Variants in NCKAP5 observed in about 807,000 individuals in gnomAD.
NCKAP5 encodes the protein NCK associated protein 5, also known as nck-associated protein 5.
Under a neutral mutation model 167.0 loss-of-function variants are expected in NCKAP5, and 92 were observed. The observed-to-expected ratio is 0.55, with a 90% confidence interval of 0.47 to 0.66. NCKAP5 has a LOEUF of 0.66. NCKAP5 is among the 30% of genes least tolerant of loss of function. The pLI is 0.00. For missense variants in NCKAP5, 2,378 were observed against 2,315.0 expected (o/e 1.03, Z -0.56); for synonymous variants, 891 against 877.4 (o/e 1.02, Z -0.27).
rs567793495 is a variant in NCKAP5, at chr2:133,001,400, C to T, written c.342-7161G>A. ...ATGCCTGGCTAAATTTTGTATTTTT[C>T]GGAGAGACAGGGTTTTGCCATGTTT... On this transcript the variant is annotated intron_variant, in intron 6 of 19. Transcript: ENST00000409261. 5.3e-5 allele frequency among the ~76,000 whole-genome samples: 8 copies of T among 151,876 alleles called. No homozygotes were observed. The East Asian group carries it at 1.2e-3, about 22-fold the overall frequency.
intron 19 of NCKAP5, among the ~76,000 whole-genome samples, chr2:132,709,822 A>G (rs1310589115): frequency 6.6e-6 from 1 of 152,154 alleles, no homozygotes; most frequent in South Asian, 2.1e-4. Flanking sequence ...AATAGGGAAT[A>G]TTTCCCATTC....
At chr2:132,760,557 C>G (rs965989394) in intron 16 of NCKAP5, among the ~76,000 whole-genome samples, 2 of 152,054 alleles carry the variant, frequency 1.3e-5, no homozygotes, top group African/African-American at 2.4e-5. Context: ...CTTTGGAGGA[C>G]TCATTCTGTG....
intron 8 of NCKAP5, among the ~76,000 whole-genome samples, chr2:132,883,024 T>C (rs188315736): frequency 1.3e-5 from 2 of 151,962 alleles, no homozygotes; most frequent in South Asian, 4.2e-4. Flanking sequence ...GAGATCTCCA[T>C]CTCTACTAAA....
intron 10 of NCKAP5, among the ~76,000 whole-genome samples, chr2:132,866,227 C>T (rs1054801225): frequency 2.6e-5 from 4 of 152,092 alleles, no homozygotes; most frequent in Non-Finnish European, 5.9e-5. Context: ...TGTTTAGTGG[C>T]AAACAAGCAA....
the NCKAP5 span, among the ~76,000 whole-genome samples, chr2:133,620,225 G>GT: frequency 5.0e-4 from 76 of 151,736 alleles, no homozygotes; most frequent in African/African-American, 1.7e-3. Context: ...GAATAGAATA[G>GT]TATCTCATGT....
chr2:133,518,328 T>A, intron 2 of NCKAP5, among the ~76,000 whole-genome samples: 1 of 142,668 alleles, frequency 7.0e-6, no homozygotes, highest in South Asian at 2.3e-4. Context: ...ATAAAAGAAA[T>A]GGGTTACAGT....
intron 5 of NCKAP5, among the ~76,000 whole-genome samples, chr2:133,175,308 G>T (rs2084412443): frequency 6.6e-6 from 1 of 151,890 alleles, no homozygotes; most frequent in South Asian, 2.1e-4. Flanking sequence ...GCCCTAGTTT[G>T]TCTGTTGTCT....
At chr2:133,537,196 C>G (rs1685830268) in intron 2 of NCKAP5, among the ~76,000 whole-genome samples, 1 of 152,058 alleles carries the variant, frequency 6.6e-6, no homozygotes, top group Admixed American at 6.6e-5. Context: ...ATCTTGATTA[C>G]TATAGATTTA....
At chr2:132,992,288 G>A (rs754913499) in intron 7 of NCKAP5, among the ~76,000 whole-genome samples, 7 of 152,144 alleles carry the variant, frequency 4.6e-5, no homozygotes, top group Admixed American at 2.6e-4. Flanking sequence ...TTTAAAACAC[G>A]TTTCTTAAAG....
intron 19 of NCKAP5, among the ~76,000 whole-genome samples, chr2:132,685,018 T>C (rs1408903348): frequency 6.6e-6 from 1 of 152,200 alleles, no homozygotes; most frequent in Non-Finnish European, 1.5e-5. Context: ...AAAAATGTAA[T>C]GTTTGAACTT....
At chr2:132,863,763 A>G (rs1448944386) in intron 10 of NCKAP5, among the ~76,000 whole-genome samples, 1 of 152,202 alleles carries the variant, frequency 6.6e-6, no homozygotes, top group African/African-American at 2.4e-5. Context: ...GTTGTTTTTA[A>G]TATTCTTATT....
intron 3 of NCKAP5, among the ~76,000 whole-genome samples, chr2:133,486,789 T>C (rs1680946577): frequency 6.6e-6 from 1 of 152,198 alleles, no homozygotes; most frequent in Non-Finnish European, 1.5e-5. Context: ...TTTGTTTTTG[T>C]TCTCATAAAA....
intron 16 of NCKAP5, among the ~76,000 whole-genome samples, chr2:132,735,601 A>G (rs1351282877): frequency 1.3e-5 from 2 of 152,196 alleles, no homozygotes; most frequent in African/African-American, 2.4e-5. Context: ...ACAATGGCCT[A>G]ATACACCTCT....
the NCKAP5 span, among the ~76,000 whole-genome samples, chr2:133,601,041 G>A: frequency 4.1e-4 from 63 of 152,288 alleles, no homozygotes; most frequent in African/African-American, 1.3e-3. Flanking sequence ...TGACCTGGCC[G>A]GGCCCTCCAC....
At chr2:133,236,012 G>A (rs1413703451) in intron 4 of NCKAP5, among the ~76,000 whole-genome samples, 3 of 129,326 alleles carry the variant, frequency 2.3e-5, no homozygotes, top group African/African-American at 5.9e-5. Flanking sequence ...GCTGCAGTGA[G>A]CCAAGATCAC....
chr2:133,422,597 G>T (rs1470711838), intron 3 of NCKAP5, among the ~76,000 whole-genome samples: 1 of 152,298 alleles, frequency 6.6e-6, no homozygotes, highest in Middle Eastern at 3.4e-3. Flanking sequence ...AATTAATCTG[G>T]TACAAACAGG....
chr2:132,707,163 T>G (rs1043746760), intron 19 of NCKAP5, among the ~76,000 whole-genome samples: 1 of 152,150 alleles, frequency 6.6e-6, no homozygotes, highest in Non-Finnish European at 1.5e-5. Context: ...CTCCTCCCCA[T>G]CCCCTGGCAG....
chr2:133,373,622 G>A (rs989700416), intron 3 of NCKAP5, among the ~76,000 whole-genome samples: 3 of 152,024 alleles, frequency 2.0e-5, no homozygotes, highest in Admixed American at 2.0e-4. Flanking sequence ...CGAAGGAGAT[G>A]AATAAAAGTT....
At chr2:133,534,323 C>G (rs1685588906) in intron 2 of NCKAP5, among the ~76,000 whole-genome samples, 2 of 152,122 alleles carry the variant, frequency 1.3e-5, no homozygotes, top group Admixed American at 1.3e-4. Context: ...ATCTAATTTA[C>G]AGCTTTATTG....
Sources: allele counts gnomAD v4.1 joint callset (sites outside exome capture counted in the v4.1 genomes callset), GRCh38; gene constraint gnomAD v4.1.1; transcripts MANE v1.5; gene names NCBI Gene and HGNC (gene_info 2026-07-23, HGNC 2026-07-21).